SAMMSON: variants seen among roughly 807,000 people sequenced by gnomAD.
SAMMSON encodes the protein long intergenic non-protein coding RNA 1212.
chr3:70,264,562 G>A (rs578172327), intron 6 of SAMMSON, among the ~76,000 whole-genome samples: 1 of 152,298 alleles, frequency 6.6e-6, no homozygotes, highest in African/African-American at 2.4e-5. Flanking sequence ...AAAGTGAGTT[G>A]GGTGAGTCAA....
intron 2 of SAMMSON, among the ~76,000 whole-genome samples, chr3:70,421,954 T>C (rs1440231867): frequency 6.6e-6 from 1 of 152,094 alleles, no homozygotes; most frequent in East Asian, 1.9e-4. Context: ...GTAGATGGAA[T>C]TGACTAATGT....
At chr3:70,131,455 A>G (rs9814727) in intron 4 of SAMMSON, among the ~76,000 whole-genome samples, 37,205 of 152,096 alleles carry the variant, frequency 0.24, 5,059 homozygotes, top group East Asian at 0.52. Flanking sequence ...AATGAACATG[A>G]TTGGCTCAGC....
chr3:70,062,964 T>C (rs1178369218), intron 3 of SAMMSON, among the ~76,000 whole-genome samples: 1 of 152,098 alleles, frequency 6.6e-6, no homozygotes, highest in Non-Finnish European at 1.5e-5. Flanking sequence ...TCTTCCTTTA[T>C]TTTTGAAAAT....
At chr3:70,325,173 A>T (rs1249597470) in intron 7 of SAMMSON, among the ~76,000 whole-genome samples, 1 of 152,094 alleles carries the variant, frequency 6.6e-6, no homozygotes, top group Non-Finnish European at 1.5e-5. Flanking sequence ...TCAGAAAGAG[A>T]ACTTTATGTT....
intron 7 of SAMMSON, among the ~76,000 whole-genome samples, chr3:70,353,007 A>G (rs1444634699): frequency 3.3e-5 from 5 of 152,074 alleles, no homozygotes; most frequent in Admixed American, 1.3e-4. Flanking sequence ...AGCAAATGAT[A>G]CTAGAGCAAT....
chr3:70,432,773 G>A (rs761360089), intron 2 of SAMMSON, among the ~76,000 whole-genome samples: 18 of 151,898 alleles, frequency 1.2e-4, no homozygotes, highest in Non-Finnish European at 2.7e-4. Flanking sequence ...TATATAGAAT[G>A]GTTTCACTGC....
At chr3:70,285,828 A>G (rs1702156495) in intron 6 of SAMMSON, among the ~76,000 whole-genome samples, 1 of 152,154 alleles carries the variant, frequency 6.6e-6, no homozygotes, top group Admixed American at 6.5e-5. Context: ...GCATTTAATC[A>G]TGTGTTTTTT....
chr3:70,087,605 T>C (rs1048517154), intron 4 of SAMMSON, among the ~76,000 whole-genome samples: 1 of 152,174 alleles, frequency 6.6e-6, no homozygotes, highest in African/African-American at 2.4e-5. Flanking sequence ...ACTGGAGTTA[T>C]TTTCTGACTC....
chr3:70,137,597 A>G (rs1576132075), intron 4 of SAMMSON: 1 of 152,268 alleles, frequency 6.6e-6, no homozygotes, highest in East Asian at 1.9e-4. Context: ...TCTTTACAGA[A>G]AACATTTGCC....
chr3:70,057,664 G>A (rs1451715817), intron 3 of SAMMSON, among the ~76,000 whole-genome samples: 2 of 151,916 alleles, frequency 1.3e-5, no homozygotes, highest in Admixed American at 1.3e-4. Context: ...ATGAGTGTGT[G>A]TGTGTGTGTG....
intron 3 of SAMMSON, among the ~76,000 whole-genome samples, chr3:70,045,773 A>C (rs901013781): frequency 1.3e-5 from 2 of 152,102 alleles, no homozygotes; most frequent in African/African-American, 2.4e-5. Flanking sequence ...TGTTGAGCAC[A>C]AATGTGGGCT....
At chr3:70,188,768 C>T (rs1446811334) in intron 4 of SAMMSON, among the ~76,000 whole-genome samples, 1 of 152,178 alleles carries the variant, frequency 6.6e-6, no homozygotes, top group East Asian at 1.9e-4. Context: ...GTATTATTAA[C>T]AACACTTTAT....
intron 1 of SAMMSON, among the ~76,000 whole-genome samples, chr3:70,006,893 T>C (rs1367904490): frequency 1.3e-5 from 2 of 148,304 alleles, no homozygotes; most frequent in African/African-American, 2.5e-5. Context: ...TGAGAACATG[T>C]GGTGTTTGGT....
At chr3:70,274,642 G>C (rs374346213) in intron 6 of SAMMSON, among the ~76,000 whole-genome samples, 1 of 152,098 alleles carries the variant, frequency 6.6e-6, no homozygotes, top group South Asian at 2.1e-4. Context: ...ATGGAGCGGT[G>C]GGGAGGGAGA....
chr3:70,065,734 A>G (rs546532219), intron 3 of SAMMSON, among the ~76,000 whole-genome samples: 22 of 152,062 alleles, frequency 1.4e-4, no homozygotes, highest in African/African-American at 5.3e-4. Flanking sequence ...TAAACCTCCT[A>G]CAATGCACAG....
At chr3:70,327,749 A>T (rs546006989) in intron 7 of SAMMSON, among the ~76,000 whole-genome samples, 2 of 152,314 alleles carry the variant, frequency 1.3e-5, no homozygotes, top group Admixed American at 6.5e-5. Context: ...CCTAGTAGTG[A>T]GGGAAAATTC....
intron 4 of SAMMSON, among the ~76,000 whole-genome samples, chr3:70,187,627 G>A (rs1219649553): frequency 6.6e-6 from 1 of 151,390 alleles, no homozygotes; most frequent in Non-Finnish European, 1.5e-5. Flanking sequence ...TAGTACAGAC[G>A]GGGTTTCACC....
intron 4 of SAMMSON, among the ~76,000 whole-genome samples, chr3:70,115,210 C>CAAAAAA (rs11456109): frequency 1.7e-5 from 2 of 117,526 alleles, no homozygotes; most frequent in African/African-American, 6.5e-5. Flanking sequence ...CTCTATTTTC[C>CAAAAAA]AAAAAAAAAA....
Position 70,235,854 on chromosome 3 carries a change from G to A in SAMMSON, n.508-13253G>A, listed in dbSNP as rs142065783. Among the ~76,000 whole-genome samples, 43 of 152,248 alleles carry A rather than the reference G, an allele frequency of 2.8e-4. No homozygotes were observed. In the East Asian group the frequency reaches 8.1e-3, roughly 29 times the overall value. Reference sequence around the variant, plus strand: ...TCAAAGGTTGATGTGCTACTTAAATGCCACAGCAAAGACAATACATGTTCA... The same window carrying A: ...TCAAAGGTTGATGTGCTACTTAAATACCACAGCAAAGACAATACATGTTCA... On this transcript the variant is annotated intron_variant and non_coding_transcript_variant, in intron 4 of 9. Coordinates refer to ENST00000642114, the Ensembl canonical transcript of SAMMSON.
Sources: gnomAD v4.1 joint callset for allele counts (sites outside exome capture counted in the v4.1 genomes callset) on GRCh38, gnomAD v4.1.1 for gene constraint, MANE v1.5 for transcripts, NCBI Gene and HGNC (gene_info 2026-07-23, HGNC 2026-07-21) for gene names.